PAX5: variants seen among roughly 807,000 people sequenced by gnomAD.
PAX5 encodes paired box protein Pax-5.
PAX5 carries 9 observed loss-of-function variants against 43.7 expected under a neutral mutation model. The ratio of observed to expected loss-of-function variants is 0.21; its 90% CI spans 0.12 to 0.36. The LOEUF (loss-of-function observed/expected upper bound fraction) is 0.36, where lower values mean the gene tolerates loss of function less well. Among genes scored for constraint, PAX5 ranks in the 10% least tolerant of loss-of-function variants. The probability of loss-of-function intolerance (pLI) is 1.00; values close to 1 mark genes in which losing one functional copy is unlikely to be tolerated. For synonymous variants in PAX5, 228 were observed against 214.3 expected (o/e 1.06, Z -0.56); for missense variants, 383 against 532.7 (o/e 0.72, Z 2.77).
chr9:36,839,037 C>T lies in PAX5; in HGVS notation c.*1523G>A, dbSNP rs1362679101. 3 of 233,194 alleles carry T rather than the reference C, an allele frequency of 1.3e-5. No homozygotes were observed. The highest frequency in any genetic ancestry group is 1.2e-4 in the East Asian group (2 of 16,594). The allele number at this position is 233,194 out of a possible 1,614,324, so 14.4% of individuals were successfully genotyped here. On this transcript the variant is annotated 3_prime_UTR_variant, in exon 10 of 10. Coordinates refer to ENST00000358127, the MANE Select transcript of PAX5 (RefSeq NM_016734.3). ...CACTGTCATTCAGCCCAGGTTTGGACAAGGGCTCTACCTGGCTGTTCTGAC... is the reference window on the plus strand; with the variant it reads ...CACTGTCATTCAGCCCAGGTTTGGATAAGGGCTCTACCTGGCTGTTCTGAC...
chr9:36,833,697 A>G lies in PAX5; in HGVS notation c.*6863T>C. The G allele has an allele frequency of 4.3e-6, 1 of 233,088 alleles. No individual in the cohort carries two copies. The allele number at this position is 233,088 out of a possible 1,614,324, so 14.4% of individuals were successfully genotyped here. On this transcript the variant is annotated 3_prime_UTR_variant, in exon 10 of 10. Coordinates refer to ENST00000358127, the MANE Select transcript of PAX5 (RefSeq NM_016734.3). ...ACAAAAGCAACACACGTCACTAAGA[A>G]AAAAACCACCAATATTTCAAGTCAG...
intron 9 of PAX5, among the ~76,000 whole-genome samples, chr9:36,844,117 T>C (rs1161928173): frequency 6.6e-6 from 1 of 152,216 alleles, no homozygotes; most frequent in Non-Finnish European, 1.5e-5. Context: ...CAGATACAGA[T>C]AGTAACCTGC....
chr9:36,933,884 A>G (rs1446466992), intron 6 of PAX5, among the ~76,000 whole-genome samples: 1 of 151,414 alleles, frequency 6.6e-6, no homozygotes, highest in Non-Finnish European at 1.5e-5. Context: ...CAGTGACTCC[A>G]TCTGTCATGA....
chr9:36,921,997 G>A (rs138984056), intron 7 of PAX5, among the ~76,000 whole-genome samples: 244 of 152,210 alleles, frequency 1.6e-3, no homozygotes, highest in Middle Eastern at 6.8e-3. Context: ...CCTCGCTAAC[G>A]TCTCCCACCT....
At position 36,840,339 on chromosome 9, in the gene PAX5, C is replaced by T. The variant is rs1821936078; in HGVS notation, c.*221G>A. 6.5e-6 allele frequency: 4 copies of T among 616,746 alleles called. No homozygotes were observed. In the South Asian group the frequency reaches 7.7e-5, roughly 12 times the overall value. 38.2% of individuals were successfully genotyped at this position (616,746 alleles called of 1,614,324 possible). On this transcript the variant is annotated 3_prime_UTR_variant, in exon 10 of 10. Coordinates refer to ENST00000358127, the MANE Select transcript of PAX5 (RefSeq NM_016734.3). ...GAGACCCAGTGGCCATCGGGAGAAGCTCATAGATTGGCTTTTAGAAATAGA... is the reference window on the plus strand; with the variant it reads ...GAGACCCAGTGGCCATCGGGAGAAGTTCATAGATTGGCTTTTAGAAATAGA...
chr9:36,986,216 G>T (rs1049914370), intron 5 of PAX5, among the ~76,000 whole-genome samples: 12 of 151,390 alleles, frequency 7.9e-5, no homozygotes, highest in African/African-American at 2.7e-4. Flanking sequence ...TGTTCTCAGC[G>T]GGGCCCCGGC....
intron 8 of PAX5, among the ~76,000 whole-genome samples, chr9:36,874,660 C>A (rs372183671): frequency 3.9e-5 from 6 of 152,356 alleles, no homozygotes; most frequent in Admixed American, 1.3e-4. Context: ...CTGTTTTCTG[C>A]AGACCCACTG....
intron 8 of PAX5, among the ~76,000 whole-genome samples, chr9:36,866,781 TG>T (rs1303421736): frequency 6.6e-6 from 1 of 152,064 alleles, no homozygotes; most frequent in African/African-American, 2.4e-5. Context: ...TGCACAGCCC[TG>T]GGTTGATTTC....
Position 36,986,101 on chromosome 9 carries a change from C to G in PAX5, c.604+16547G>C, listed in dbSNP as rs573080097. On this transcript the variant is annotated intron_variant, in intron 5 of 9. Transcript: ENST00000358127. Reference sequence around the variant, plus strand: ...GCACCCCCGTCCGGCGCCCTCGCCCCGGCGCGCATCATCTGCTCCGCTGCC... The same window carrying G: ...GCACCCCCGTCCGGCGCCCTCGCCCGGGCGCGCATCATCTGCTCCGCTGCC... 7.0e-3 allele frequency among the ~76,000 whole-genome samples: 1,059 copies of G among 152,058 alleles called. 2 individuals are homozygous for G. The highest frequency in any genetic ancestry group is 0.012 in the Non-Finnish European group (786 of 67,948).
chr9:36,900,404 C>G (rs1285206427), intron 7 of PAX5, among the ~76,000 whole-genome samples: 1 of 152,220 alleles, frequency 6.6e-6, no homozygotes. Flanking sequence ...ACAGAGTAGT[C>G]CTGCAGCATG....
chr9:36,906,708 A>C (rs1230056280), intron 7 of PAX5, among the ~76,000 whole-genome samples: 1 of 152,136 alleles, frequency 6.6e-6, no homozygotes, highest in African/African-American at 2.4e-5. Context: ...CTCTCCCACC[A>C]GCCCCTCTGC....
chr9:36,966,819 C>T (rs1282924589), intron 5 of PAX5, 95 bp from the exon 6 acceptor site: 3 of 1,106,198 alleles, frequency 2.7e-6, no homozygotes, highest in African/African-American at 1.6e-5. Context: ...AGGACCTGAC[C>T]CCAACTCCCT....
intron 9 of PAX5, among the ~76,000 whole-genome samples, 186 bp from the exon 10 acceptor site, chr9:36,840,822 G>A (rs1202109217): frequency 2.0e-5 from 3 of 152,120 alleles, no homozygotes; most frequent in African/African-American, 7.2e-5. Flanking sequence ...ATAAGATTTC[G>A]AGGCTCTTCG....
chr9:36,953,250 C>G (rs1833160538), intron 6 of PAX5, among the ~76,000 whole-genome samples: 1 of 152,062 alleles, frequency 6.6e-6, no homozygotes, highest in Non-Finnish European at 1.5e-5. Context: ...GTAATTTTTA[C>G]CTCTGGCTTC....
rs1821740130 is a variant in PAX5, at chr9:36,837,725, C to G, written c.*2835G>C. On this transcript the variant is annotated 3_prime_UTR_variant, in exon 10 of 10. Coordinates refer to ENST00000358127, the MANE Select transcript of PAX5 (RefSeq NM_016734.3). ...GCCCAGGAGTCAAGTGGTTGTCTCA[C>G]AAATACAAAACCAATCTGAGGACCA... is the stretch of plus-strand genomic sequence containing the variant. The G allele has an allele frequency of 4.3e-6, 1 of 233,302 alleles. No homozygotes were observed. Among genetic ancestry groups the G allele is most frequent in the African/African-American group, 2.2e-5 (1 of 45,330 alleles). 14.5% of individuals were successfully genotyped at this position (233,302 alleles called of 1,614,324 possible).
intron 6 of PAX5, among the ~76,000 whole-genome samples, chr9:36,943,912 T>C (rs947923616): frequency 1.3e-5 from 2 of 152,028 alleles, no homozygotes; most frequent in Non-Finnish European, 2.9e-5. Context: ...AGAGCTGGGC[T>C]CAGTGGCTCA....
chr9:36,897,935 G>A (rs1828012465), intron 7 of PAX5, among the ~76,000 whole-genome samples: 3 of 152,198 alleles, frequency 2.0e-5, no homozygotes, highest in African/African-American at 7.2e-5. Flanking sequence ...GAGCCTACTG[G>A]TCAGGGGCAA....
chr9:36,954,248 G>A (rs1159559888), intron 6 of PAX5, among the ~76,000 whole-genome samples: 1 of 152,090 alleles, frequency 6.6e-6, no homozygotes, highest in African/African-American at 2.4e-5. Context: ...GATCTCAGCT[G>A]TAACTCTGTA....
chr9:36,919,999 AT>A (rs1450544610), intron 7 of PAX5, among the ~76,000 whole-genome samples: 1 of 152,158 alleles, frequency 6.6e-6, no homozygotes, highest in Non-Finnish European at 1.5e-5. Context: ...GTAATTGCAG[AT>A]ATGGTGGAAA....
Sources: gnomAD v4.1 joint callset for allele counts (sites outside exome capture counted in the v4.1 genomes callset) on GRCh38, gnomAD v4.1.1 for gene constraint, MANE v1.5 for transcripts, NCBI Gene and HGNC (gene_info 2026-07-23, HGNC 2026-07-21) for gene names.